The following AKAP6 variants were observed in gnomAD, a reference collection of about 807,000 sequenced individuals.
AKAP6 encodes A-kinase anchor protein 6.
In AKAP6, 58 loss-of-function variants were observed where a neutral mutation model predicts 188.5. That is an observed-to-expected ratio of 0.31 (90% CI 0.25 to 0.38). AKAP6 has a LOEUF of 0.38. Among genes scored for constraint, AKAP6 ranks in the 10% least tolerant of loss-of-function variants. The pLI, the probability that AKAP6 is intolerant of heterozygous loss-of-function variation, is 1.00. For synonymous variants in AKAP6, 989 were observed against 998.6 expected (o/e 0.99, Z 0.18); for missense variants, 2,710 against 2,740.0 (o/e 0.99, Z 0.24).
At chr14:32,656,880 GC>G (rs1178124511) in intron 7 of AKAP6, among the ~76,000 whole-genome samples, 7 of 152,248 alleles carry the variant, frequency 4.6e-5, no homozygotes, top group African/African-American at 1.4e-4. Context: ...CTGTAAATAT[GC>G]TTCTCTCTGT....
intron 1 of AKAP6, among the ~76,000 whole-genome samples, chr14:32,402,845 T>A (rs1889143238): frequency 6.6e-6 from 1 of 152,062 alleles, no homozygotes; most frequent in Non-Finnish European, 1.5e-5. Context: ...TTCTCTTGCC[T>A]CAGCCTCCTG....
chr14:32,619,563 T>C (rs1439790722), intron 7 of AKAP6, among the ~76,000 whole-genome samples: 1 of 152,222 alleles, frequency 6.6e-6, no homozygotes, highest in African/African-American at 2.4e-5. Flanking sequence ...CATGCTATTT[T>C]GTTTACTATA....
intron 1 of AKAP6, among the ~76,000 whole-genome samples, chr14:32,372,870 T>C (rs188333245): frequency 6.6e-6 from 1 of 151,246 alleles, no homozygotes; most frequent in Non-Finnish European, 1.5e-5. Flanking sequence ...CGAGCGAGCA[T>C]TATGGGATTT....
At chr14:32,615,913 C>G (rs1043249055) in intron 7 of AKAP6, among the ~76,000 whole-genome samples, 18 of 152,026 alleles carry the variant, frequency 1.2e-4, no homozygotes, top group Non-Finnish European at 1.5e-5. Context: ...ACTTTTTAAC[C>G]TCTTCTCAAC....
chr14:32,597,206 G>A (rs148835615), intron 5 of AKAP6, among the ~76,000 whole-genome samples: 27 of 152,072 alleles, frequency 1.8e-4, no homozygotes, highest in African/African-American at 6.3e-4. Context: ...ACCTACTTAC[G>A]GTTCCTTAGA....
intron 11 of AKAP6, among the ~76,000 whole-genome samples, chr14:32,758,166 C>T (rs2032409154): frequency 1.3e-5 from 2 of 152,020 alleles, no homozygotes; most frequent in Non-Finnish European, 2.9e-5. Flanking sequence ...GTAGAATATC[C>T]TCACCAATTG....
intron 12 of AKAP6, among the ~76,000 whole-genome samples, chr14:32,813,843 C>T (rs1354944262): frequency 6.6e-6 from 1 of 151,236 alleles, no homozygotes; most frequent in Non-Finnish European, 1.5e-5. Context: ...ACTTATTCTT[C>T]ACACACAAAA....
At chr14:32,760,917 T>C (rs554450752) in intron 11 of AKAP6, among the ~76,000 whole-genome samples, 1 of 152,210 alleles carries the variant, frequency 6.6e-6, no homozygotes, top group Non-Finnish European at 1.5e-5. Context: ...TATTTTGCTG[T>C]TATGTATTGG....
At position 32,770,239 on chromosome 14, in the gene AKAP6, A is replaced by T. The variant is rs565315172; in HGVS notation, c.3373-3439A>T. Among the ~76,000 whole-genome samples, 27 of 152,330 alleles carry T rather than the reference A, an allele frequency of 1.8e-4. No homozygotes were observed. In the South Asian group the frequency reaches 5.6e-3, roughly 32 times the overall value. On this transcript the variant is annotated intron_variant, in intron 11 of 13. Transcript: ENST00000280979. Reference sequence around the variant, plus strand: ...CTTATAATGTGGATCGGAGATCATTATAAAGGGGGAAAAAAGACAGATAAT... The same window carrying T: ...CTTATAATGTGGATCGGAGATCATTTTAAAGGGGGAAAAAAGACAGATAAT...
At position 32,821,691 on chromosome 14, in the gene AKAP6, A is replaced by G. The variant is rs754578564; in HGVS notation, c.3878A>G (p.Asn1293Ser). ...ATTTACCAGGTGTACAGCCTCCACA[A>G]TGTTGAACTCTATGAGGACAACCAC... ...PHIYQVYSLH[N>S]VELYEDNHMP... The change falls in exon 13 of 14, where the codon AAT (asparagine) becomes AGT (serine). Residue 1293 changes from asparagine (N) to serine (S), a missense_variant. Physicochemically the swap from Asn to Ser is conservative, Grantham distance 46. This residue lies in a region of AKAP6 where 2,473 missense variants were observed against 2,426.1 expected (regional missense o/e 1.02). Transcript: ENST00000280979. 66 of 1,613,678 alleles carry G rather than the reference A, an allele frequency of 4.1e-5. No individual in the cohort carries two copies. The Middle Eastern group carries it at 4.9e-4, about 12-fold the overall frequency.
At chr14:32,647,966 T>C (rs1201763321) in intron 7 of AKAP6, among the ~76,000 whole-genome samples, 1 of 152,070 alleles carries the variant, frequency 6.6e-6, no homozygotes. Flanking sequence ...ATATAAAAAA[T>C]GCAAATTGTG....
intron 7 of AKAP6, among the ~76,000 whole-genome samples, chr14:32,674,594 G>A (rs11851564): frequency 0.31 from 47,468 of 151,988 alleles, 8,855 homozygotes; most frequent in East Asian, 0.58. Flanking sequence ...AGTACCATTT[G>A]TTTAAAACGA....
At chr14:32,788,198 C>G (rs2033488621) in intron 12 of AKAP6, among the ~76,000 whole-genome samples, 1 of 152,074 alleles carries the variant, frequency 6.6e-6, no homozygotes, top group Non-Finnish European at 1.5e-5. Flanking sequence ...TGGGAATTTT[C>G]TTGAGTATTA....
At chr14:32,404,147 T>C (rs1312453454) in intron 1 of AKAP6, among the ~76,000 whole-genome samples, 3 of 152,168 alleles carry the variant, frequency 2.0e-5, no homozygotes, top group Non-Finnish European at 4.4e-5. Flanking sequence ...AGAAAAACTT[T>C]TAGTAGAGTC....
At chr14:32,799,670 C>A (rs2033878381) in intron 12 of AKAP6, among the ~76,000 whole-genome samples, 1 of 151,826 alleles carries the variant, frequency 6.6e-6, no homozygotes, top group South Asian at 2.1e-4. Flanking sequence ...GGTCGGAGAG[C>A]ATTCGTTGTA....
intron 2 of AKAP6, among the ~76,000 whole-genome samples, chr14:32,450,801 A>G (rs968333435): frequency 1.4e-4 from 21 of 152,142 alleles, no homozygotes; most frequent in Middle Eastern, 3.2e-3. Flanking sequence ...GAGGAATCGA[A>G]TTAATTGAGG....
chr14:32,348,102 C>T (rs1276564453), intron 1 of AKAP6, among the ~76,000 whole-genome samples: 1 of 152,140 alleles, frequency 6.6e-6, no homozygotes, highest in Non-Finnish European at 1.5e-5. Context: ...AGGTCAAGAA[C>T]CTGGAAGACA....
intron 5 of AKAP6, among the ~76,000 whole-genome samples, chr14:32,587,294 G>A: frequency 6.6e-6 from 1 of 152,056 alleles, no homozygotes; most frequent in East Asian, 1.9e-4. Context: ...CTGTGAATAG[G>A]AAATTTTTAA....
At chr14:32,353,488 G>A (rs1436401614) in intron 1 of AKAP6, among the ~76,000 whole-genome samples, 1 of 152,178 alleles carries the variant, frequency 6.6e-6, no homozygotes, top group Non-Finnish European at 1.5e-5. Context: ...GTCAACCCGG[G>A]CGGTAGAGGT....
Sources: gnomAD v4.1 joint callset for allele counts (sites outside exome capture counted in the v4.1 genomes callset) on GRCh38, gnomAD v4.1.1 for gene constraint, gnomAD v4.1.1 regional missense constraint, MANE v1.5 for transcripts, NCBI Gene and HGNC (gene_info 2026-07-23, HGNC 2026-07-21) for gene names.